CNKSR2: variants seen among roughly 807,000 people sequenced by gnomAD.
CNKSR2 encodes the protein CNK homolog protein 2.
Under a neutral mutation model 84.4 loss-of-function variants are expected in CNKSR2, and 14 were observed. That is an observed-to-expected ratio of 0.17 (90% CI 0.11 to 0.26). The LOEUF (loss-of-function observed/expected upper bound fraction) is 0.26, where lower values mean the gene tolerates loss of function less well. Among genes scored for constraint, CNKSR2 ranks in the 10% least tolerant of loss-of-function variants. CNKSR2 has a pLI of 1.00. For missense variants in CNKSR2, 485 were observed against 771.2 expected, an observed-to-expected ratio of 0.63 and a Z score of 4.40; for synonymous variants, 275 against 277.9, an observed-to-expected ratio of 0.99 and a Z score of 0.10.
intron 13 of CNKSR2, among the ~76,000 whole-genome samples, chrX:21,575,576 C>G (rs2092314059): frequency 9.0e-6 from 1 of 111,373 alleles, no homozygotes; most frequent in South Asian, 3.8e-4. Context: ...ACTCATCTAC[C>G]AGAAGACTCT....
chrX:21,431,598 A>G (rs2090634758), intron 2 of CNKSR2, among the ~76,000 whole-genome samples: 1 of 111,891 alleles, frequency 8.9e-6, no homozygotes, highest in Non-Finnish European at 1.9e-5. Flanking sequence ...CACAACAGTA[A>G]TGTGCATGCT....
chrX:21,382,735 A>G (rs1411128357), intron 1 of CNKSR2, among the ~76,000 whole-genome samples: 1 of 111,729 alleles, frequency 9.0e-6, no homozygotes, highest in Non-Finnish European at 1.9e-5. Flanking sequence ...TTGCATTTTT[A>G]TTAATAGGAA....
chrX:21,577,424 G>GA (rs891075713), intron 13 of CNKSR2, among the ~76,000 whole-genome samples: 2 of 110,516 alleles, frequency 1.8e-5, no homozygotes, highest in Non-Finnish European at 3.8e-5. Flanking sequence ...TGCCTTTAGG[G>GA]AAAAAAAATA....
At chrX:21,535,211 A>G (rs2091917239) in intron 11 of CNKSR2, among the ~76,000 whole-genome samples, 1 of 110,393 alleles carries the variant, frequency 9.1e-6, no homozygotes, top group South Asian at 3.8e-4. Context: ...ATTTCTGAAT[A>G]CTCCATTCTG....
intron 5 of CNKSR2, among the ~76,000 whole-genome samples, chrX:21,484,096 C>T (rs756993498): frequency 9.0e-6 from 1 of 111,693 alleles, no homozygotes; most frequent in Non-Finnish European, 1.9e-5. Context: ...TCAAGACCAG[C>T]CTGGCCAACA....
At chrX:21,426,224 A>G in intron 1 of CNKSR2, 1 of 276,394 alleles carries the variant, frequency 3.6e-6, no homozygotes. Flanking sequence ...AATAGTCAGC[A>G]AGGAGAACTG....
rs769411533 is a variant in CNKSR2, at chrX:21,561,571, T to C, written c.1393+11T>C. On this transcript the variant is annotated intron_variant, in intron 12 of 21. Transcript: ENST00000379510. ...GAGATAGTAGAAGAGGTAAGTGTTC[T>C]AGAATTTCAGTGTAGGCTGGGTTGT... is the stretch of plus-strand genomic sequence containing the variant. The C allele has an allele frequency of 9.3e-5, 107 of 1,151,565 alleles. No homozygotes were observed. The highest frequency in any genetic ancestry group is 7.5e-5 in the Non-Finnish European group (63 of 844,717). 94.9% of individuals were successfully genotyped at this position (1,151,565 alleles called of 1,213,427 possible). A position where few individuals can be genotyped will look rare whatever the true frequency, so the allele number is the denominator to read the frequency against.
rs746218205 is a variant in CNKSR2, at chrX:21,608,974, T to C, written c.2146-97T>C. On this transcript the variant is annotated intron_variant, in intron 19 of 21. Transcript: ENST00000379510. ...ATTAACATGACTACGTAAGAGTTCA[T>C]CTACTTAAATATTACCTGGTAGAAA... 4.5e-6 allele frequency: 5 copies of C among 1,100,337 alleles called. No homozygotes were observed. In the South Asian group the frequency reaches 7.3e-5, roughly 16 times the overall value. The allele number at this position is 1,100,337 out of a possible 1,213,427, so 90.7% of individuals were successfully genotyped here.
Position 21,532,047 on chromosome X carries a change from G to A in CNKSR2, c.1283G>A (p.Arg428Gln), listed in dbSNP as rs2091890820. 1.1e-5 allele frequency: 13 copies of A among 1,189,544 alleles called. No homozygotes were observed. The highest frequency in any genetic ancestry group is 1.8e-5 in the South Asian group (1 of 55,261). Reference sequence around the variant, plus strand: ...GGAAGATCAAGTAGTCAAGGAAGACGAGAAAGCACCCCAACTTATGGTAAG... The same window carrying A: ...GGAAGATCAAGTAGTCAAGGAAGACAAGAAAGCACCCCAACTTATGGTAAG... ...EKGRSSSQGR[R>Q]ESTPTYGKLR... Residue 428 changes from arginine to glutamine, a missense_variant, in exon 11 of 22, where the codon CGA (arginine) becomes CAA (glutamine). This residue lies in a region of CNKSR2 where 132 missense variants were observed against 166.7 expected (regional missense o/e 0.79). Transcript: ENST00000379510.
chrX:21,453,915 A>G (rs1277515541), intron 4 of CNKSR2, among the ~76,000 whole-genome samples: 1 of 111,289 alleles, frequency 9.0e-6, no homozygotes, highest in African/African-American at 3.3e-5. Flanking sequence ...CTATCACAAG[A>G]ACAGCAAGGG....
chrX:21,562,498 C>T (rs1021872290), intron 12 of CNKSR2, among the ~76,000 whole-genome samples: 1 of 111,499 alleles, frequency 9.0e-6, no homozygotes, highest in Non-Finnish European at 1.9e-5. Context: ...GTGAGCATTT[C>T]TGAAAATGTT....
chrX:21,390,366 T>C (rs1047593406), intron 1 of CNKSR2, among the ~76,000 whole-genome samples: 6 of 111,120 alleles, frequency 5.4e-5, no homozygotes, highest in Non-Finnish European at 1.1e-4. Flanking sequence ...AAAAGAGGTT[T>C]AATTGGCTCA....
Position 21,516,629 on chromosome X carries a change from C to T in CNKSR2, c.955C>T (p.Gln319Ter). ...TATGAGATGGAAGCCCCTTGCTCTGCAGGTAATGAAGCTTAATCATAAGTC... is the reference window on the plus strand; with the variant it reads ...TATGAGATGGAAGCCCCTTGCTCTGTAGGTAATGAAGCTTAATCATAAGTC... ...KNMRWKPLALQPLIPRSPTSS... is the reference protein window; with the variant it reads ...KNMRWKPLAL Residue 319 changes from glutamine to a stop codon, truncating the protein, a stop_gained and splice_region_variant, in exon 9 of 22, where the codon CAG becomes TAG. Coordinates refer to ENST00000379510, the MANE Select transcript of CNKSR2 (RefSeq NM_014927.5). LOFTEE classifies it high-confidence loss of function. 8.3e-7 allele frequency: 1 copy of T among 1,204,741 alleles called. No individual in the cohort carries two copies. The highest frequency in any genetic ancestry group is 1.1e-6 in the Non-Finnish European group (1 of 890,760).
At chrX:21,497,476 G>A (rs755064675) in intron 6 of CNKSR2, among the ~76,000 whole-genome samples, 5 of 111,041 alleles carry the variant, frequency 4.5e-5, no homozygotes, top group African/African-American at 1.6e-4. Context: ...TGGGTTTTTG[G>A]GGAGAGTGAG....
intron 5 of CNKSR2, among the ~76,000 whole-genome samples, chrX:21,489,963 G>A (rs2091425386): frequency 9.0e-6 from 1 of 111,721 alleles, no homozygotes; most frequent in Admixed American, 9.5e-5. Flanking sequence ...GAGGAGGTGG[G>A]AAACTTTATA....
intron 13 of CNKSR2, among the ~76,000 whole-genome samples, chrX:21,583,282 A>G (rs1039601075): frequency 6.3e-5 from 7 of 111,593 alleles, no homozygotes; most frequent in African/African-American, 2.3e-4. Flanking sequence ...CAAGGCCACC[A>G]ACAACAGCAG....
At chrX:21,463,068 T>A (rs964666702) in intron 4 of CNKSR2, among the ~76,000 whole-genome samples, 4 of 111,337 alleles carry the variant, frequency 3.6e-5, no homozygotes, top group African/African-American at 1.3e-4. Context: ...AAATTCTTTT[T>A]CAGCATCAAT....
At chrX:21,540,006 A>T (rs373912957) in intron 11 of CNKSR2, among the ~76,000 whole-genome samples, 2 of 112,213 alleles carry the variant, frequency 1.8e-5, no homozygotes, top group East Asian at 5.6e-4. Flanking sequence ...TTATTTGTTA[A>T]GTCATTCAAC....
intron 20 of CNKSR2, among the ~76,000 whole-genome samples, chrX:21,633,356 CAT>C (rs1288915876): frequency 8.9e-6 from 1 of 111,878 alleles, no homozygotes; most frequent in Non-Finnish European, 1.9e-5. Context: ...TTCAATAAAA[CAT>C]AGAATTGTTC....
Sources: allele counts gnomAD v4.1 joint callset (sites outside exome capture counted in the v4.1 genomes callset), GRCh38; gene constraint gnomAD v4.1.1; regional missense constraint gnomAD v4.1.1; transcripts MANE v1.5; gene names NCBI Gene and HGNC (gene_info 2026-07-23, HGNC 2026-07-21).